MCAT: variants seen among roughly 807,000 people sequenced by gnomAD.
MCAT encodes malonyl-CoA-acyl carrier protein transacylase.
MCAT carries 22 observed loss-of-function variants against 22.9 expected under a neutral mutation model. The observed-to-expected ratio is 0.96, with a 90% CI of 0.69 to 1.37. MCAT has a LOEUF of 1.37. Ranked by LOEUF, MCAT falls within the 40% of genes most tolerant of loss-of-function variation. The pLI is 0.00. For missense variants in MCAT, 534 were observed against 533.6 expected (o/e 1.00, Z -0.01); for synonymous variants, 240 against 233.9 (o/e 1.03, Z -0.24).
intron 3 of MCAT, among the ~76,000 whole-genome samples, chr22:43,134,947 CTG>C (rs1930560546): frequency 6.6e-6 from 1 of 152,224 alleles, no homozygotes; most frequent in South Asian, 2.1e-4. Flanking sequence ...CCTGGAGCAT[CTG>C]TGGTCTCAAA....
intron 3 of MCAT, among the ~76,000 whole-genome samples, chr22:43,134,655 C>G (rs1306264534): frequency 2.0e-5 from 3 of 152,196 alleles, no homozygotes. Flanking sequence ...AAGCAGAACC[C>G]AGCCTGGCGA....
chr22:43,142,030 A>G (rs1930783411), intron 1 of MCAT, among the ~76,000 whole-genome samples: 1 of 151,902 alleles, frequency 6.6e-6, no homozygotes, highest in Admixed American at 6.5e-5. Flanking sequence ...TGACGATTCA[A>G]CAGGACCACT....
At chr22:43,136,061 G>A (rs372901825) in intron 3 of MCAT, among the ~76,000 whole-genome samples, 3 of 152,072 alleles carry the variant, frequency 2.0e-5, no homozygotes, top group Non-Finnish European at 4.4e-5. Context: ...TGGGCAACAC[G>A]GTGAAACCCC....
At position 43,133,241 on chromosome 22, in the gene MCAT, C is replaced by T; in HGVS notation, c.975G>A (p.Lys325=). The T allele has an allele frequency of 6.2e-7, 1 of 1,614,270 alleles. No homozygotes were observed. The highest frequency in any genetic ancestry group is 2.2e-5 in the East Asian group (1 of 44,886). The change falls in exon 4 of 4, where the codon AAG becomes AAA. Residue 325 remains lysine, a synonymous_variant. Coordinates refer to ENST00000290429, the MANE Select transcript of MCAT (RefSeq NM_173467.5). The part of the protein sequence containing the change: ...LLAQQLVSPV[K]WEQTMHAIYE... ...ATATGGCATGCATCGTCTGCTCCCA[C>T]TTCACTGGGGAGACCAGCTGCTGGG...
chr22:43,137,379 G>A, intron 2 of MCAT, 81 bp from the exon 3 acceptor site: 1 of 1,143,350 alleles, frequency 8.7e-7, no homozygotes. Context: ...CAAAGCCCAA[G>A]CTCCACTCTG....
chr22:43,135,792 A>G (rs1191683468), intron 3 of MCAT, among the ~76,000 whole-genome samples: 1 of 152,208 alleles, frequency 6.6e-6, no homozygotes, highest in East Asian at 1.9e-4. Context: ...CGCCTGGCAC[A>G]CGGTGAGCCC....
rs755997365 is a variant in MCAT at position 43,142,916 on chromosome 22, C to T, written c.423+10G>A. 1.2e-5 allele frequency: 19 copies of T among 1,529,016 alleles called. No homozygotes were observed. In the South Asian group the frequency reaches 1.8e-4, roughly 14 times the overall value. The allele number at this position is 1,529,016 out of a possible 1,614,324, so 94.7% of individuals were successfully genotyped here. A position where few individuals can be genotyped will look rare whatever the true frequency, so the allele number is the denominator to read the frequency against. On this transcript the variant is annotated intron_variant, in intron 1 of 3. Transcript: ENST00000290429. ...CCTTCCCCCTCCTGTCACGGGGCCT[C>T]GGGCCTCACCGAGGGCTGCAGGTGA...
In MCAT at chr22:43,133,298, G is replaced by T. The variant is rs769308101; in HGVS notation, c.918C>A (p.Tyr306Ter). ...SVYSNVHAHR[Y>*]RHPGHIHKLL... ...GCTTGTGGATGTGCCCGGGATGCCT[G>T]TATCTATGCGCGTGGACGTTGGAGT... The change falls in exon 4 of 4, where the codon TAC becomes TAA. Residue 306 changes from tyrosine (Y) to a stop codon, truncating the protein, a stop_gained. Coordinates refer to ENST00000290429, the MANE Select transcript of MCAT (RefSeq NM_173467.5). LOFTEE classifies it low-confidence loss of function (END_TRUNC). The T allele has an allele frequency of 6.2e-7, 1 of 1,614,104 alleles. No individual in the cohort carries two copies. The highest frequency in any genetic ancestry group is 8.5e-7 in the Non-Finnish European group (1 of 1,180,044).
chr22:43,133,450 G>T lies in MCAT; in HGVS notation c.766C>A (p.His256Asn), dbSNP rs1282620461. 4 of 1,613,390 alleles carry T rather than the reference G, an allele frequency of 2.5e-6. No homozygotes were observed. The African/African-American group carries it at 4.0e-5, about 16-fold the overall frequency. The change falls in exon 4 of 4, where the codon CAT (histidine) becomes AAT (asparagine). Residue 256 changes from histidine (H) to asparagine (N), a missense_variant. By Grantham distance (68) the His-to-Asn change is moderately conservative (BLOSUM62 1). Transcript: ENST00000290429. Reference protein sequence around the residue: ...RFLQKNSSKFHFRRTRMLPVS... With the variant: ...RFLQKNSSKFNFRRTRMLPVS... ...GGCAACATCCTGGTGCGTCTGAAAT[G>T]AAACTTAGAGGAATTCTTCTGGAGA...
chr22:43,133,539 C>T (rs535511546), intron 3 of MCAT, 53 bp from the exon 4 acceptor site: 4 of 1,428,202 alleles, frequency 2.8e-6, no homozygotes, highest in South Asian at 1.3e-5. Context: ...TCCGCCTTTA[C>T]AGATCTGACC....
chr22:43,134,835 C>T (rs1294112331), intron 3 of MCAT, among the ~76,000 whole-genome samples: 1 of 152,244 alleles, frequency 6.6e-6, no homozygotes, highest in Non-Finnish European at 1.5e-5. Flanking sequence ...CCAGGAGCCT[C>T]TTTGGTCTGG....
intron 2 of MCAT, among the ~76,000 whole-genome samples, chr22:43,139,882 T>C (rs1162531827): frequency 6.6e-6 from 1 of 152,202 alleles, no homozygotes; most frequent in Non-Finnish European, 1.5e-5. Context: ...ACACCAAGCC[T>C]AATTCTGCAC....
In MCAT at chr22:43,143,338, C is replaced by T. The variant is rs756229695; in HGVS notation, c.11G>A (p.Arg4Gln). Residue 4 changes from arginine (R) to glutamine (Q), a missense_variant, in exon 1 of 4, where the codon CGG becomes CAG. By Grantham distance (43) the Arg-to-Gln change is conservative. Transcript: ENST00000290429. ...CCTGACCCACGCTACCCGTGCGACC[C>T]GGACGCTCATGGTCGGACACCTGCC... MSV[R>Q]VARVAWVRGL... The T allele has an allele frequency of 7.2e-7, 1 of 1,385,788 alleles. No homozygotes were observed. The highest frequency in any genetic ancestry group is 9.3e-7 in the Non-Finnish European group (1 of 1,079,146). 85.8% of individuals were successfully genotyped at this position (1,385,788 alleles called of 1,614,324 possible).
intron 2 of MCAT, among the ~76,000 whole-genome samples, chr22:43,140,225 C>T (rs1406293709): frequency 2.6e-5 from 4 of 151,840 alleles, no homozygotes; most frequent in South Asian, 2.1e-4. Flanking sequence ...TCACCCATGC[C>T]GCAGTGCAGT....
At position 43,133,316 on chromosome 22, in the gene MCAT, G is replaced by A. The variant is rs141699321; in HGVS notation, c.900C>T (p.Asn300=). Residue 300 remains asparagine, a synonymous_variant, in exon 4 of 4, where the codon AAC becomes AAT. Coordinates refer to ENST00000290429, the MANE Select transcript of MCAT (RefSeq NM_173467.5). ...IKKPLVSVYS[N]VHAHRYRHPG... ...GATGCCTGTATCTATGCGCGTGGAC[G>A]TTGGAGTAGACAGAAACCAGAGGCT... 153 of 1,614,172 alleles carry A rather than the reference G, an allele frequency of 9.5e-5. No homozygotes were observed. The highest frequency in any genetic ancestry group is 2.3e-4 in the Admixed American group (14 of 60,030).
intron 3 of MCAT, among the ~76,000 whole-genome samples, chr22:43,136,796 T>C (rs1930624886): frequency 6.6e-6 from 1 of 152,234 alleles, no homozygotes; most frequent in African/African-American, 2.4e-5. Flanking sequence ...GCCCAGAATG[T>C]ACTACGGGAA....
intron 3 of MCAT, among the ~76,000 whole-genome samples, chr22:43,134,411 G>A (rs1930545848): frequency 6.6e-6 from 1 of 151,826 alleles, no homozygotes; most frequent in Non-Finnish European, 1.5e-5. Context: ...GCAAAGGTGC[G>A]ATCTTGGCTC....
In MCAT at chr22:43,134,817, C is replaced by T. The variant is rs1460076678; in HGVS notation, c.730-1331G>A. Among the ~76,000 whole-genome samples, 5 of 152,228 alleles carry T rather than the reference C, an allele frequency of 3.3e-5. No homozygotes were observed. The East Asian group carries it at 7.7e-4, about 23-fold the overall frequency. On this transcript the variant is annotated intron_variant, in intron 3 of 3. Transcript: ENST00000290429. ...TGGCTCCATCCCACTGAGGCTGGAC[C>T]GCAGGAACCAGGAGCCTCTTTGGTC...
In MCAT at chr22:43,133,406, G is replaced by A. The variant is rs763715022; in HGVS notation, c.810C>T (p.His270=). The A allele has an allele frequency of 1.2e-6, 2 of 1,614,208 alleles. No individual in the cohort carries two copies. The highest frequency in any genetic ancestry group is 2.2e-5 in the South Asian group (2 of 91,086). Residue 270 remains histidine (H), a synonymous_variant, in exon 4 of 4, where the codon CAC becomes CAT. Coordinates refer to ENST00000290429, the MANE Select transcript of MCAT (RefSeq NM_173467.5). ...TRMLPVSGAF[H]TRLMEPAVEP... is the part of the protein sequence containing the mutation. ...CCACGGCTGGCTCCATGAGGCGGGT[G>A]TGGAATGCGCCACTAACCGGCAACA...
Sources: gnomAD v4.1 joint callset for allele counts (sites outside exome capture counted in the v4.1 genomes callset) on GRCh38, gnomAD v4.1.1 for gene constraint, MANE v1.5 for transcripts, NCBI Gene and HGNC (gene_info 2026-07-23, HGNC 2026-07-21) for gene names.